The following ZNF804A variants were observed in gnomAD, a reference collection of about 807,000 sequenced individuals.
The protein encoded by ZNF804A is zinc finger protein 804A.
ZNF804A carries 2 observed loss-of-function variants against 16.5 expected under a neutral mutation model. The ratio of observed to expected loss-of-function variants is 0.12; its 90% CI spans 0.05 to 0.38. The LOEUF is 0.38. Among genes scored for constraint, ZNF804A ranks in the 10% least tolerant of loss-of-function variants. ZNF804A has a pLI of 0.99. For missense variants in ZNF804A, 1,473 were observed against 1,390.7 expected, an observed-to-expected ratio of 1.06 and a Z score of -0.94; for synonymous variants, 534 against 489.6, an observed-to-expected ratio of 1.09 and a Z score of -1.20.
rs574991263 is a variant in ZNF804A at position 184,935,639 on chromosome 2, C to G, written c.387-144C>G. 3.4e-6 allele frequency: 3 copies of G among 881,000 alleles called. No individual in the cohort carries two copies. In the South Asian group the frequency reaches 6.2e-5, roughly 18 times the overall value. The allele number at this position is 881,000 out of a possible 1,614,324, so 54.6% of individuals were successfully genotyped here. A position where few individuals can be genotyped will look rare whatever the true frequency, so the allele number is the denominator to read the frequency against. Reference sequence around the variant, plus strand: ...TGATATTGTGGCACCATGGAAAGTACTTACACCATATGAAGGCAATTCTGT... The same window carrying G: ...TGATATTGTGGCACCATGGAAAGTAGTTACACCATATGAAGGCAATTCTGT... On this transcript the variant is annotated intron_variant, in intron 3 of 3. Coordinates refer to ENST00000302277, the MANE Select transcript of ZNF804A (RefSeq NM_194250.2).
chr2:184,693,051 A>G (rs865963318), intron 1 of ZNF804A, among the ~76,000 whole-genome samples: 3 of 152,296 alleles, frequency 2.0e-5, no homozygotes, highest in South Asian at 4.1e-4. Flanking sequence ...TACTACAAAT[A>G]TAAGAAGTGT....
At chr2:184,653,295 G>A (rs1692018604) in intron 1 of ZNF804A, among the ~76,000 whole-genome samples, 1 of 152,118 alleles carries the variant, frequency 6.6e-6, no homozygotes, top group South Asian at 2.1e-4. Flanking sequence ...AAACTTAAAT[G>A]TCTACATTTT....
intron 1 of ZNF804A, among the ~76,000 whole-genome samples, chr2:184,802,736 A>G (rs1379661589): frequency 6.6e-6 from 1 of 152,200 alleles, no homozygotes; most frequent in Non-Finnish European, 1.5e-5. Flanking sequence ...CAAACCCTAT[A>G]TGAGAAAGCT....
intron 2 of ZNF804A, among the ~76,000 whole-genome samples, chr2:184,906,257 C>T (rs1395940198): frequency 6.6e-6 from 1 of 152,034 alleles, no homozygotes; most frequent in Non-Finnish European, 1.5e-5. Flanking sequence ...AATATTCAAG[C>T]TTTTCTATCC....
intron 2 of ZNF804A, among the ~76,000 whole-genome samples, chr2:184,885,517 A>T (rs941789443): frequency 1.3e-5 from 2 of 152,204 alleles, no homozygotes; most frequent in African/African-American, 4.8e-5. Context: ...ACATAGAAGG[A>T]TGAGATCATG....
chr2:184,797,292 A>G (rs192381429), intron 1 of ZNF804A, among the ~76,000 whole-genome samples: 31 of 152,214 alleles, frequency 2.0e-4, no homozygotes, highest in African/African-American at 7.2e-4. Context: ...TAATTGTTTT[A>G]TAAGTTTAGG....
At chr2:184,790,487 A>T (rs1244634605) in intron 1 of ZNF804A, among the ~76,000 whole-genome samples, 1 of 152,018 alleles carries the variant, frequency 6.6e-6, no homozygotes, top group African/African-American at 2.4e-5. Context: ...GTTTTCTTAG[A>T]TATAGCAGTA....
intron 1 of ZNF804A, among the ~76,000 whole-genome samples, chr2:184,779,459 T>C (rs902467531): frequency 3.3e-5 from 5 of 151,690 alleles, no homozygotes; most frequent in Non-Finnish European, 7.4e-5. Flanking sequence ...CCTGTGAATA[T>C]GTTAGGTTAC....
At chr2:184,705,573 G>A (rs1007082610) in intron 1 of ZNF804A, among the ~76,000 whole-genome samples, 5 of 152,118 alleles carry the variant, frequency 3.3e-5, no homozygotes, top group African/African-American at 9.7e-5. Context: ...AACCCAAGGG[G>A]TTAGGAGATG....
chr2:184,636,423 CTG>C (rs746003358), intron 1 of ZNF804A, among the ~76,000 whole-genome samples: 2,871 of 99,084 alleles, frequency 0.029, 47 homozygotes, highest in East Asian at 0.079. Context: ...GGCTCTAGGG[CTG>C]TGTGTGTGTG....
At chr2:184,649,239 T>C (rs1691940685) in intron 1 of ZNF804A, among the ~76,000 whole-genome samples, 1 of 151,894 alleles carries the variant, frequency 6.6e-6, no homozygotes, top group Non-Finnish European at 1.5e-5. Flanking sequence ...TAAATGAAAA[T>C]AATAACAAAC....
chr2:184,912,098 C>T (rs1685368076), intron 2 of ZNF804A, among the ~76,000 whole-genome samples: 2 of 151,926 alleles, frequency 1.3e-5, no homozygotes, highest in African/African-American at 2.4e-5. Context: ...TTTTCTAGTT[C>T]CAAACTTTCA....
chr2:184,861,327 T>C (rs1178873942), intron 1 of ZNF804A, among the ~76,000 whole-genome samples: 1 of 152,228 alleles, frequency 6.6e-6, no homozygotes, highest in Non-Finnish European at 1.5e-5. Context: ...ATTTCTGCAC[T>C]ATACACAGGT....
At chr2:184,781,775 A>T (rs1052644990) in intron 1 of ZNF804A, among the ~76,000 whole-genome samples, 1 of 151,680 alleles carries the variant, frequency 6.6e-6, no homozygotes, top group Non-Finnish European at 1.5e-5. Context: ...CTTTCTGAAA[A>T]TTTTTCTTTT....
At chr2:184,858,434 G>A (rs1308272573) in intron 1 of ZNF804A, among the ~76,000 whole-genome samples, 4 of 150,980 alleles carry the variant, frequency 2.6e-5, no homozygotes, top group African/African-American at 4.9e-5. Flanking sequence ...AACCTGGGAG[G>A]TGAAGTTTGC....
chr2:184,668,715 G>A (rs935479490), intron 1 of ZNF804A, among the ~76,000 whole-genome samples: 8 of 151,906 alleles, frequency 5.3e-5, no homozygotes, highest in African/African-American at 1.9e-4. Flanking sequence ...TAACCAAAGG[G>A]CAAAGAACCT....
At chr2:184,886,969 G>A (rs955065516) in intron 2 of ZNF804A, among the ~76,000 whole-genome samples, 1 of 152,226 alleles carries the variant, frequency 6.6e-6, no homozygotes, top group Admixed American at 6.5e-5. Flanking sequence ...AATTTCTGCA[G>A]AAAGCTTGAA....
chr2:184,889,208 T>G (rs1684944088), intron 2 of ZNF804A, among the ~76,000 whole-genome samples: 1 of 152,012 alleles, frequency 6.6e-6, no homozygotes, highest in Non-Finnish European at 1.5e-5. Context: ...TCTTTCAGTA[T>G]TTAAATTTTG....
intron 1 of ZNF804A, among the ~76,000 whole-genome samples, chr2:184,680,931 G>A (rs1244632090): frequency 2.6e-5 from 4 of 152,132 alleles, no homozygotes; most frequent in Admixed American, 1.3e-4. Flanking sequence ...CACTGTGCCA[G>A]CAGTGGAAGC....
Sources: allele counts gnomAD v4.1 joint callset (sites outside exome capture counted in the v4.1 genomes callset), GRCh38; gene constraint gnomAD v4.1.1; transcripts MANE v1.5; gene names NCBI Gene and HGNC (gene_info 2026-07-23, HGNC 2026-07-21).